PAXIP1: variants seen among roughly 807,000 people sequenced by gnomAD.
The protein encoded by PAXIP1 is PAX-interacting protein 1.
In PAXIP1, 19 loss-of-function variants were observed where a neutral mutation model predicts 140.6. The observed-to-expected ratio is 0.14, with a 90% CI of 0.09 to 0.20. The LOEUF is 0.20. Ranked by LOEUF, PAXIP1 falls within the 10% of genes least tolerant of loss-of-function variation. PAXIP1 has a pLI of 1.00. For synonymous variants in PAXIP1, 442 were observed against 444.6 expected (o/e 0.99, Z 0.07); for missense variants, 920 against 1,208.6 (o/e 0.76, Z 3.54).
intron 6 of PAXIP1, among the ~76,000 whole-genome samples, chr7:154,974,898 A>G (rs1809497344): frequency 6.6e-6 from 1 of 151,584 alleles, no homozygotes; most frequent in Non-Finnish European, 1.5e-5. Flanking sequence ...TAATCCCAGC[A>G]TTCTGGGAGG....
At chr7:154,971,620 G>A (rs1427780120) in intron 6 of PAXIP1, among the ~76,000 whole-genome samples, 6 of 152,338 alleles carry the variant, frequency 3.9e-5, no homozygotes, top group East Asian at 3.9e-4. Context: ...GCTCAATTAC[G>A]TAATTGTGCT....
At chr7:154,987,028 C>T (rs6946762) in intron 4 of PAXIP1, among the ~76,000 whole-genome samples, 4,246 of 152,306 alleles carry the variant, frequency 0.028, 189 homozygotes, top group African/African-American at 0.096. Context: ...CCAGAACACA[C>T]AATCAAATGA....
chr7:154,958,802 G>C (rs936362644), intron 13 of PAXIP1, among the ~76,000 whole-genome samples: 2 of 152,174 alleles, frequency 1.3e-5, no homozygotes, highest in African/African-American at 2.4e-5. Flanking sequence ...TAGTTTGGGA[G>C]GAAAACTCTG....
intron 20 of PAXIP1, chr7:154,945,458 C>A: frequency 3.7e-6 from 3 of 808,512 alleles, no homozygotes; most frequent in Non-Finnish European, 4.5e-6. Context: ...ATGAAACAGG[C>A]ACACACGAAG....
In PAXIP1 at chr7:155,002,977, C is replaced by A. The variant is rs1811003577; in HGVS notation, c.-48G>T. Reference sequence around the variant, plus strand: ...CCGCGGCGGCGCCCGGCCCCGCCCACCCCCCGCCCCCGGCCCCCGCGGCGC... The same window carrying A: ...CCGCGGCGGCGCCCGGCCCCGCCCAACCCCCGCCCCCGGCCCCCGCGGCGC... On this transcript the variant is annotated 5_prime_UTR_variant, in exon 1 of 21. Transcript: ENST00000404141. 2.4e-6 allele frequency: 2 copies of A among 819,084 alleles called. No homozygotes were observed. The highest frequency in any genetic ancestry group is 3.0e-6 in the Non-Finnish European group (2 of 674,914). The allele number at this position is 819,084 out of a possible 1,614,324, so 50.7% of individuals were successfully genotyped here.
intron 5 of PAXIP1, among the ~76,000 whole-genome samples, chr7:154,979,639 AATTAT>A (rs1809750358): frequency 1.1e-5 from 1 of 88,398 alleles, no homozygotes. Context: ...TCAAGAACAT[AATTAT>A]ATTATGTTAA....
At chr7:154,950,796 A>AT in intron 16 of PAXIP1, 1 of 152,390 alleles carries the variant, frequency 6.6e-6, no homozygotes, top group Middle Eastern at 3.4e-3. Flanking sequence ...TTAGTGCTAA[A>AT]AAGAAATGCT....
In PAXIP1 at chr7:154,955,757, G is replaced by A. The variant is rs1384785920; in HGVS notation, c.2550-126C>T. ...ACTGCATGTGGTTTTTATTCTTAAA[G>A]GAAAAATACAATGAGCTATCTGTCC... On this transcript the variant is annotated intron_variant, in intron 14 of 20. Transcript: ENST00000404141. 3 of 539,558 alleles carry A rather than the reference G, an allele frequency of 5.6e-6. No individual in the cohort carries two copies. In the East Asian group the frequency reaches 1.0e-4, roughly 18 times the overall value. 33.4% of individuals were successfully genotyped at this position (539,558 alleles called of 1,614,324 possible). A position where few individuals can be genotyped will look rare whatever the true frequency, so the allele number is the denominator to read the frequency against.
chr7:154,980,168 T>C (rs1224297845), intron 5 of PAXIP1, among the ~76,000 whole-genome samples: 1 of 152,148 alleles, frequency 6.6e-6, no homozygotes, highest in Non-Finnish European at 1.5e-5. Context: ...TCTGGAGGTA[T>C]GTACTTAATT....
chr7:154,960,103 C>T (rs748146647), intron 12 of PAXIP1, among the ~76,000 whole-genome samples, 170 bp from the exon 13 acceptor site: 8 of 152,176 alleles, frequency 5.3e-5, no homozygotes, highest in African/African-American at 7.2e-5. Context: ...GCTTTCCAGG[C>T]AAGGTGAGGG....
intron 3 of PAXIP1, among the ~76,000 whole-genome samples, chr7:154,991,421 A>C (rs1230746899): frequency 6.8e-6 from 1 of 146,506 alleles, no homozygotes; most frequent in East Asian, 2.0e-4. Flanking sequence ...CAAATGGCAT[A>C]GCAGTTATTT....
At chr7:154,998,541 T>C (rs1810745928) in intron 2 of PAXIP1, 109 bp downstream of exon 2, 2 of 586,214 alleles carry the variant, frequency 3.4e-6, no homozygotes, top group Non-Finnish European at 5.4e-6. Flanking sequence ...AAAAATAAAA[T>C]AAAACAGGAC....
intron 17 of PAXIP1, chr7:154,947,406 T>G (rs576207936): frequency 1.4e-3 from 221 of 155,718 alleles, no homozygotes; most frequent in South Asian, 6.2e-3. Context: ...ACTTAGTTCT[T>G]TGGTACAAAA....
At chr7:154,958,194 C>T (rs1808613758) in intron 13 of PAXIP1, among the ~76,000 whole-genome samples, 1 of 152,108 alleles carries the variant, frequency 6.6e-6, no homozygotes, top group African/African-American at 2.4e-5. Context: ...CAGTCCCTGA[C>T]CCTGGAGCAG....
At chr7:154,951,704 G>C (rs1371404488) in intron 16 of PAXIP1, 1 of 152,116 alleles carries the variant, frequency 6.6e-6, no homozygotes, top group Admixed American at 6.6e-5. Flanking sequence ...TTTATATACA[G>C]ATAAAACAAC....
In PAXIP1 at chr7:154,954,226, A is replaced by C; in HGVS notation, c.2821+29T>G. On this transcript the variant is annotated intron_variant, in intron 16 of 20. Coordinates refer to ENST00000404141, the MANE Select transcript of PAXIP1 (RefSeq NM_007349.4). This position sits in a 1 kb window ranked among gnomAD's most constrained non-coding sequence, Gnocchi z 5.1. ...AAAAAAAAAAGTTTATTTGGCATTA[A>C]AAGCAAAGTTACTGGCGCTGCTCCT... is the stretch of plus-strand genomic sequence containing the variant. 7.3e-7 allele frequency: 1 copy of C among 1,373,218 alleles called. No individual in the cohort carries two copies. 85.1% of individuals were successfully genotyped at this position (1,373,218 alleles called of 1,614,324 possible). A position where few individuals can be genotyped will look rare whatever the true frequency, so the allele number is the denominator to read the frequency against.
intron 7 of PAXIP1, among the ~76,000 whole-genome samples, 182 bp from the exon 8 acceptor site, chr7:154,968,092 A>G (rs1809104070): frequency 6.6e-6 from 1 of 152,182 alleles, no homozygotes; most frequent in African/African-American, 2.4e-5. Context: ...AACTGTCTAC[A>G]TCAAATGATC....
chr7:154,981,248 A>T (rs1321646753), intron 5 of PAXIP1, among the ~76,000 whole-genome samples: 1 of 152,240 alleles, frequency 6.6e-6, no homozygotes, highest in Non-Finnish European at 1.5e-5. Context: ...CGCCGCAAGC[A>T]GCACTGTACT....
intron 17 of PAXIP1, 152 bp downstream of exon 17, chr7:154,947,751 A>G (rs1021389891): frequency 6.1e-6 from 4 of 653,420 alleles, no homozygotes; most frequent in East Asian, 5.1e-5. Flanking sequence ...TCCAGTGGCA[A>G]TGTCCAAGAA....
Sources: gnomAD v4.1 joint callset for allele counts (sites outside exome capture counted in the v4.1 genomes callset) on GRCh38, gnomAD v4.1.1 for gene constraint, Gnocchi (gnomAD v3.1) non-coding constraint, MANE v1.5 for transcripts, NCBI Gene and HGNC (gene_info 2026-07-23, HGNC 2026-07-21) for gene names.